FGGY: variants seen among roughly 807,000 people sequenced by gnomAD.
FGGY encodes FGGY carbohydrate kinase domain containing, also known as FGGY carbohydrate kinase domain-containing protein.
In FGGY, 72 loss-of-function variants were observed where a neutral mutation model predicts 71.3. That is an observed-to-expected ratio of 1.01 (90% CI 0.84 to 1.23). FGGY has a LOEUF of 1.23. FGGY is among the 50% of genes most tolerant of loss of function. FGGY has a pLI of 0.00. For missense variants in FGGY, 668 were observed against 682.3 expected (o/e 0.98, Z 0.23); for synonymous variants, 251 against 250.3 (o/e 1.00, Z -0.02).
At chr1:59,703,034 A>T (rs2097723065) in intron 14 of FGGY, among the ~76,000 whole-genome samples, 1 of 152,074 alleles carries the variant, frequency 6.6e-6, no homozygotes, top group African/African-American at 2.4e-5. Flanking sequence ...GCTATTCCTG[A>T]TGTTGCCTTT....
intron 4 of FGGY, among the ~76,000 whole-genome samples, chr1:59,367,078 C>A (rs79359834): frequency 0.028 from 4,293 of 152,156 alleles, 223 homozygotes; most frequent in African/African-American, 0.098. Flanking sequence ...GGATTCTAGG[C>A]CATGAGGAGA....
intron 5 of FGGY, among the ~76,000 whole-genome samples, chr1:59,385,668 C>T (rs1190499167): frequency 6.6e-6 from 1 of 151,304 alleles, no homozygotes; most frequent in Non-Finnish European, 1.5e-5. Context: ...TTTGAGGTGA[C>T]TAATAATAAT....
chr1:59,527,078 C>T (rs2095008306), intron 7 of FGGY, among the ~76,000 whole-genome samples: 1 of 152,212 alleles, frequency 6.6e-6, no homozygotes, highest in Non-Finnish European at 1.5e-5. Flanking sequence ...ATAGCTTTCT[C>T]AGCACTGATT....
chr1:59,515,728 C>T (rs1260844851), intron 7 of FGGY, among the ~76,000 whole-genome samples: 1 of 152,170 alleles, frequency 6.6e-6, no homozygotes, highest in East Asian at 1.9e-4. Context: ...TTCTTTCTTG[C>T]TGCCACCATG....
In FGGY at chr1:59,619,050, C is replaced by T. The variant is rs141276783; in HGVS notation, c.1012-6938C>T. ...ATTGGCTTCTTGCCTGTAATCTTTC[C>T]CCCTCTAATCCCTTTGTTGCATTGT... On this transcript the variant is annotated intron_variant, in intron 9 of 15. Coordinates refer to ENST00000303721, the MANE Select transcript of FGGY (RefSeq NM_018291.5). 3.0e-3 allele frequency among the ~76,000 whole-genome samples: 460 copies of T among 152,192 alleles called. 5 individuals are homozygous for T. The highest frequency in any genetic ancestry group is 0.011 in the African/African-American group (437 of 41,540).
Position 59,526,140 on chromosome 1 carries a change from G to A in FGGY, c.799+13701G>A, listed in dbSNP as rs373730217. 2.9e-4 allele frequency among the ~76,000 whole-genome samples: 44 copies of A among 152,264 alleles called. 1 individual carries two copies. The South Asian group carries it at 8.7e-3, about 30-fold the overall frequency. ...AATGTTCATGAGTGTATATGCATGT[G>A]TCCGTATATATGTATGTGTATATGT... On this transcript the variant is annotated intron_variant, in intron 7 of 15. Coordinates refer to ENST00000303721, the MANE Select transcript of FGGY (RefSeq NM_018291.5).
chr1:59,685,998 A>G (rs1465290901), intron 14 of FGGY, among the ~76,000 whole-genome samples: 2 of 152,234 alleles, frequency 1.3e-5, no homozygotes, highest in African/African-American at 4.8e-5. Context: ...TAAAATCATT[A>G]TTTCTTTAAA....
chr1:59,742,390 T>C (rs546554686), intron 14 of FGGY, among the ~76,000 whole-genome samples: 16 of 152,368 alleles, frequency 1.1e-4, no homozygotes, highest in Admixed American at 7.8e-4. Context: ...ACTCCCTTCA[T>C]TGAAACACGC....
At chr1:59,750,995 T>TA (rs2098240632) in intron 14 of FGGY, among the ~76,000 whole-genome samples, 1 of 151,978 alleles carries the variant, frequency 6.6e-6, no homozygotes, top group Non-Finnish European at 1.5e-5. Flanking sequence ...CACCTGCTAA[T>TA]AAGCAGCAGA....
At chr1:59,355,448 T>G (rs923603620) in intron 4 of FGGY, among the ~76,000 whole-genome samples, 1 of 152,246 alleles carries the variant, frequency 6.6e-6, no homozygotes, top group Non-Finnish European at 1.5e-5. Context: ...GCTACTGTTT[T>G]AGCACAATGC....
chr1:59,563,064 T>C (rs1480746799), intron 8 of FGGY, among the ~76,000 whole-genome samples: 1 of 152,200 alleles, frequency 6.6e-6, no homozygotes, highest in Non-Finnish European at 1.5e-5. Context: ...TGACTTCCTC[T>C]CTTCTTATTT....
intron 7 of FGGY, among the ~76,000 whole-genome samples, chr1:59,548,279 A>G (rs1287014464): frequency 1.3e-5 from 2 of 152,188 alleles, no homozygotes; most frequent in Non-Finnish European, 2.9e-5. Context: ...CTTAGTGGCA[A>G]GGACCACCAA....
intron 14 of FGGY, among the ~76,000 whole-genome samples, chr1:59,684,744 T>C (rs533065167): frequency 6.4e-4 from 97 of 152,330 alleles, no homozygotes; most frequent in Middle Eastern, 6.8e-3. Flanking sequence ...GTCACCTTGC[T>C]GAACCTCACG....
intron 5 of FGGY, among the ~76,000 whole-genome samples, chr1:59,387,413 T>C (rs1448458064): frequency 1.3e-5 from 2 of 152,186 alleles, no homozygotes; most frequent in Non-Finnish European, 2.9e-5. Context: ...ATTTGCATTT[T>C]TGATTATTGA....
intron 5 of FGGY, among the ~76,000 whole-genome samples, chr1:59,449,878 C>T (rs941601463): frequency 2.0e-5 from 3 of 152,106 alleles, no homozygotes; most frequent in African/African-American, 7.2e-5. Flanking sequence ...GCTCAGGTGG[C>T]AGGATTCCTT....
chr1:59,414,078 A>G (rs988201620), intron 5 of FGGY, among the ~76,000 whole-genome samples: 1 of 152,226 alleles, frequency 6.6e-6, no homozygotes, highest in Admixed American at 6.5e-5. Context: ...AATATGTTGA[A>G]TTCTTCTTGT....
At chr1:59,491,935 C>A (rs1169019170) in intron 6 of FGGY, among the ~76,000 whole-genome samples, 1 of 152,116 alleles carries the variant, frequency 6.6e-6, no homozygotes, top group Non-Finnish European at 1.5e-5. Context: ...GCGTGTCGTT[C>A]TTATTGGAGT....
chr1:59,407,094 G>A (rs2062873504), intron 5 of FGGY, among the ~76,000 whole-genome samples: 1 of 152,154 alleles, frequency 6.6e-6, no homozygotes, highest in African/African-American at 2.4e-5. Flanking sequence ...GTCTGCCTTG[G>A]GCAGCATCTC....
intron 4 of FGGY, among the ~76,000 whole-genome samples, chr1:59,358,014 A>G (rs2054666626): frequency 1.3e-5 from 2 of 152,246 alleles, no homozygotes; most frequent in African/African-American, 4.8e-5. Flanking sequence ...CATAGTGGCT[A>G]AAATGGAAGT....
Sources: allele counts gnomAD v4.1 joint callset (sites outside exome capture counted in the v4.1 genomes callset), GRCh38; gene constraint gnomAD v4.1.1; transcripts MANE v1.5; gene names NCBI Gene and HGNC (gene_info 2026-07-23, HGNC 2026-07-21).